Variants in KIZ observed in about 807,000 individuals in gnomAD.
The protein encoded by KIZ is centrosomal protein kizuna.
A neutral mutation model predicts 79.6 loss-of-function variants in KIZ; 68 were observed. The ratio of observed to expected loss-of-function variants is 0.85; its 90% CI spans 0.70 to 1.05. The LOEUF (loss-of-function observed/expected upper bound fraction) is 1.05, where lower values mean the gene tolerates loss of function less well. Ranked by LOEUF, KIZ falls within the 50% of genes least tolerant of loss-of-function variation. The pLI is 0.00. For missense variants in KIZ, 797 were observed against 800.4 expected (o/e 1.00, Z 0.05); for synonymous variants, 280 against 281.8 (o/e 0.99, Z 0.06).
intron 6 of KIZ, among the ~76,000 whole-genome samples, 182 bp downstream of exon 6, chr20:21,163,341 C>A (rs191775211): frequency 6.6e-6 from 1 of 151,992 alleles, no homozygotes; most frequent in Admixed American, 6.6e-5. Flanking sequence ...TCTTTCTTTC[C>A]TTCCTCCCTT....
chr20:21,212,488 A>G lies in KIZ; in HGVS notation c.1447-2047A>G, dbSNP rs75031740. ...TGTTAAATGATTTTACTCATTTGTA[A>G]GCTAATGTAAGTGTTCTGAGCAGTT... On this transcript the variant is annotated intron_variant, in intron 7 of 12. Transcript: ENST00000619189. Among the ~76,000 whole-genome samples, 406 of 152,338 alleles carry G rather than the reference A, an allele frequency of 2.7e-3. 2 individuals are homozygous for G. Among genetic ancestry groups the G allele is most frequent in the African/African-American group, 9.3e-3 (386 of 41,576 alleles).
intron 4 of KIZ, among the ~76,000 whole-genome samples, chr20:21,161,647 A>G (rs2033662926): frequency 6.6e-6 from 1 of 151,984 alleles, no homozygotes; most frequent in African/African-American, 2.4e-5. Context: ...TCTTTACTAT[A>G]TTTGTTTTGT....
At chr20:21,128,099 A>C (rs1600334638) in intron 1 of KIZ, among the ~76,000 whole-genome samples, 1 of 151,954 alleles carries the variant, frequency 6.6e-6, no homozygotes, top group East Asian at 1.9e-4. Flanking sequence ...TGCAACCCCC[A>C]CCTCCCAGGT....
intron 10 of KIZ, among the ~76,000 whole-genome samples, chr20:21,231,474 G>A (rs2036830485): frequency 6.6e-6 from 1 of 152,094 alleles, no homozygotes; most frequent in Non-Finnish European, 1.5e-5. Context: ...GACACTCTAG[G>A]TTGTGTAGTC....
At chr20:21,174,072 T>C (rs1222535346) in intron 6 of KIZ, among the ~76,000 whole-genome samples, 1 of 152,060 alleles carries the variant, frequency 6.6e-6, no homozygotes, top group Non-Finnish European at 1.5e-5. Flanking sequence ...AGGTGCCAAG[T>C]AGAATGTTTC....
chr20:21,152,545 G>A (rs1347674721), intron 4 of KIZ, among the ~76,000 whole-genome samples: 1 of 152,188 alleles, frequency 6.6e-6, no homozygotes, highest in Non-Finnish European at 1.5e-5. Flanking sequence ...ATTTGGGGAT[G>A]GTGGAGCATA....
intron 1 of KIZ, 129 bp downstream of exon 1, chr20:21,126,333 A>T: frequency 1.8e-6 from 1 of 565,886 alleles, no homozygotes; most frequent in Admixed American, 4.2e-5. Flanking sequence ...AACGCCCCCC[A>T]GGCTCCCAGT....
intron 11 of KIZ, among the ~76,000 whole-genome samples, chr20:21,237,846 T>G (rs1427052641): frequency 6.6e-6 from 1 of 152,190 alleles, no homozygotes; most frequent in Non-Finnish European, 1.5e-5. Flanking sequence ...TTTATTTATT[T>G]AGAGACAGGG....
chr20:21,141,161 A>T lies in KIZ; in HGVS notation c.316-4404A>T, dbSNP rs148778721. On this transcript the variant is annotated intron_variant, in intron 3 of 12. Transcript: ENST00000619189. ...GTAGAGGGGGCCCCAGTTGGTCCTA[A>T]CTTAAAGCAGTTTCACTCAGGTCCC... Among the ~76,000 whole-genome samples the T allele has an allele frequency of 1.2e-4, 18 of 152,208 alleles. No individual in the cohort carries two copies. The East Asian group carries it at 3.3e-3, about 28-fold the overall frequency.
rs745309438 is a variant in KIZ, at chr20:21,162,038, A to G, written c.573A>G (p.Pro191=). The G allele has an allele frequency of 1.2e-6, 2 of 1,613,954 alleles. No homozygotes were observed. The highest frequency in any genetic ancestry group is 2.2e-5 in the South Asian group (2 of 91,082). ...QPTKNFSIPD[P]HSHRQTAQSS... ...CAAAGAACTTTTCAATTCCTGACCCACATTCACACCGACAGACAGCCCAGA... is the reference window on the plus strand; with the variant it reads ...CAAAGAACTTTTCAATTCCTGACCCGCATTCACACCGACAGACAGCCCAGA... Residue 191 remains proline (P), a synonymous_variant, in exon 5 of 13, where the codon CCA becomes CCG. Transcript: ENST00000619189.
At chr20:21,206,160 T>G (rs2035820073) in intron 7 of KIZ, among the ~76,000 whole-genome samples, 1 of 152,204 alleles carries the variant, frequency 6.6e-6, no homozygotes, top group Non-Finnish European at 1.5e-5. Flanking sequence ...GTTTTCCGTC[T>G]CCACTCCGTA....
chr20:21,126,018 C>G, upstream of KIZ: 1 of 1,336,378 alleles, frequency 7.5e-7, no homozygotes, highest in Non-Finnish European at 9.6e-7. Flanking sequence ...CGGCCCGGCG[C>G]GGTGTTTACC....
chr20:21,144,895 G>A (rs975597577), intron 3 of KIZ, among the ~76,000 whole-genome samples: 12 of 152,108 alleles, frequency 7.9e-5, no homozygotes, highest in African/African-American at 2.9e-4. Flanking sequence ...GAATCAAAGT[G>A]CTTTTTTATG....
chr20:21,135,471 G>A (rs1354590199), intron 2 of KIZ, among the ~76,000 whole-genome samples: 1 of 152,210 alleles, frequency 6.6e-6, no homozygotes, highest in Non-Finnish European at 1.5e-5. Flanking sequence ...TTATTAACAC[G>A]ATAAAGACTT....
chr20:21,225,943 T>C (rs368346815), intron 9 of KIZ, among the ~76,000 whole-genome samples: 14 of 152,354 alleles, frequency 9.2e-5, no homozygotes, highest in East Asian at 3.9e-4. Flanking sequence ...CTGGGTAACA[T>C]GTTCCAACAA....
chr20:21,180,942 C>T (rs1471998344), intron 6 of KIZ, among the ~76,000 whole-genome samples: 1 of 152,156 alleles, frequency 6.6e-6, no homozygotes, highest in Non-Finnish European at 1.5e-5. Context: ...ATTACTGAAC[C>T]ACAGAAGCCA....
intron 11 of KIZ, among the ~76,000 whole-genome samples, chr20:21,238,748 A>G (rs923300201): frequency 3.3e-5 from 5 of 152,152 alleles, no homozygotes; most frequent in Admixed American, 6.5e-5. Context: ...TGGGCACCTC[A>G]AGGGCATCGA....
At chr20:21,202,940 C>T (rs1014137061) in intron 6 of KIZ, among the ~76,000 whole-genome samples, 3 of 152,172 alleles carry the variant, frequency 2.0e-5, no homozygotes, top group Admixed American at 6.5e-5. Context: ...CTCTCCCTAA[C>T]GCTTTTTTTC....
intron 11 of KIZ, among the ~76,000 whole-genome samples, chr20:21,241,606 A>G (rs1015442192): frequency 6.6e-6 from 1 of 152,360 alleles, no homozygotes. Context: ...TCTCAAAGCT[A>G]CACTGTGTAA....
Sources: allele counts gnomAD v4.1 joint callset (sites outside exome capture counted in the v4.1 genomes callset), GRCh38; gene constraint gnomAD v4.1.1; transcripts MANE v1.5; gene names NCBI Gene and HGNC (gene_info 2026-07-23, HGNC 2026-07-21).